The following TANK variants were observed in gnomAD, a reference collection of about 807,000 sequenced individuals.
The protein encoded by TANK is TRAF family member associated NFKB activator, also known as TRAF family member-associated NF-kappa-B activator.
TANK carries 15 observed loss-of-function variants against 43.6 expected under a neutral mutation model. The observed-to-expected ratio is 0.34, with a 90% confidence interval of 0.23 to 0.53. The LOEUF (loss-of-function observed/expected upper bound fraction) is 0.53, where lower values mean the gene tolerates loss of function less well. TANK is among the 20% of genes least tolerant of loss of function. The probability of loss-of-function intolerance (pLI) is 0.94; values close to 1 mark genes in which losing one functional copy is unlikely to be tolerated. For synonymous variants in TANK, 162 were observed against 178.2 expected, an observed-to-expected ratio of 0.91 and a Z score of 0.73; for missense variants, 417 against 498.6, an observed-to-expected ratio of 0.84 and a Z score of 1.56.
intron 2 of TANK, among the ~76,000 whole-genome samples, chr2:161,181,424 AAAC>A (rs1010318898): frequency 2.0e-4 from 31 of 152,082 alleles, no homozygotes; most frequent in Admixed American, 4.6e-4. Flanking sequence ...CCATCTCAAA[AAAC>A]AACAACAACA....
chr2:161,146,054 T>A (rs1403566561), intron 1 of TANK, among the ~76,000 whole-genome samples: 1 of 152,202 alleles, frequency 6.6e-6, no homozygotes, highest in Non-Finnish European at 1.5e-5. Flanking sequence ...CTTGTCTTCA[T>A]GCCTGATTTC....
chr2:161,164,455 A>G (rs1375497658), intron 1 of TANK, among the ~76,000 whole-genome samples: 4 of 152,146 alleles, frequency 2.6e-5, no homozygotes, highest in Non-Finnish European at 5.9e-5. Flanking sequence ...AGAGGAGGCT[A>G]TTATTTAGAT....
At chr2:161,203,867 A>G (rs948710533) in intron 3 of TANK, among the ~76,000 whole-genome samples, 2 of 152,284 alleles carry the variant, frequency 1.3e-5, no homozygotes, top group African/African-American at 2.4e-5. Flanking sequence ...GCTTTTGAAA[A>G]CATCTATGCC....
At chr2:161,193,913 G>A (rs918682134) in intron 2 of TANK, among the ~76,000 whole-genome samples, 17 of 152,172 alleles carry the variant, frequency 1.1e-4, no homozygotes, top group African/African-American at 4.1e-4. Context: ...TGGATATGGG[G>A]AATAATTAGC....
chr2:161,160,444 G>A lies in TANK; in HGVS notation c.-92G>A. 3 of 1,238,844 alleles carry A rather than the reference G, an allele frequency of 2.4e-6. No homozygotes were observed. Among genetic ancestry groups the A allele is most frequent in the Non-Finnish European group, 3.0e-6 (3 of 991,210 alleles). 76.7% of individuals were successfully genotyped at this position (1,238,844 alleles called of 1,614,324 possible). On this transcript the variant is annotated 5_prime_UTR_variant, in exon 1 of 8. Coordinates refer to ENST00000392749, the MANE Select transcript of TANK (RefSeq NM_001199135.3). The stretch of plus-strand genomic sequence containing the variant: ...GTTGGAGTCACTCGGCCAGGCGCCG[G>A]CGACCTGAGGGGAGAGGGAACGCAG...
intron 2 of TANK, among the ~76,000 whole-genome samples, chr2:161,190,147 A>C (rs1163027582): frequency 1.3e-5 from 2 of 152,208 alleles, no homozygotes; most frequent in African/African-American, 2.4e-5. Context: ...ACCTGGATTT[A>C]AAATGGGCAA....
At chr2:161,146,991 G>C (rs567555784) in intron 1 of TANK, among the ~76,000 whole-genome samples, 1 of 152,142 alleles carries the variant, frequency 6.6e-6, no homozygotes, top group Non-Finnish European at 1.5e-5. Context: ...GCCCCAGGGG[G>C]ATCAGAGTTC....
chr2:161,139,830 G>A, intron 1 of TANK: 1 of 985,394 alleles, frequency 1.0e-6, no homozygotes, highest in Non-Finnish European at 1.2e-6. Context: ...CCTACGCTTT[G>A]TGCAAAAAGC....
At chr2:161,140,282 C>T (rs1025532762) in intron 1 of TANK, among the ~76,000 whole-genome samples, 26 of 152,038 alleles carry the variant, frequency 1.7e-4, no homozygotes, top group African/African-American at 5.6e-4. Context: ...ACAATGTCTT[C>T]CATTGTTATT....
upstream of TANK, among the ~76,000 whole-genome samples, chr2:161,156,991 CTTTGGGTTAT>C (rs1684245425): frequency 6.6e-6 from 1 of 152,156 alleles, no homozygotes; most frequent in Non-Finnish European, 1.5e-5. Flanking sequence ...TATCCACTCC[CTTTGGGTTAT>C]TGCTGGTATT....
intron 7 of TANK, 136 bp downstream of exon 7, chr2:161,231,687 A>G: frequency 1.3e-6 from 1 of 767,130 alleles, no homozygotes; most frequent in Non-Finnish European, 2.1e-6. Context: ...GCTTTCAAAA[A>G]AACAAGTCCC....
Position 161,182,762 on chromosome 2 carries a change from G to A in TANK, c.99+3001G>A, listed in dbSNP as rs563214851. On this transcript the variant is annotated intron_variant, in intron 2 of 7. Transcript: ENST00000392749. ...GTTCAAAATGTGATTGCACAAAAAG[G>A]GTGTGATCTAAACCCAGCAGTTCCT... Among the ~76,000 whole-genome samples, 12 of 152,176 alleles carry A rather than the reference G, an allele frequency of 7.9e-5. No individual in the cohort carries two copies. In the East Asian group the frequency reaches 2.3e-3, roughly 29 times the overall value.
chr2:161,203,306 G>A (rs1267075), intron 2 of TANK, among the ~76,000 whole-genome samples, 181 bp from the exon 3 acceptor site: 124,750 of 152,128 alleles, frequency 0.82, 51,313 homozygotes, highest in East Asian at 1. Context: ...TAAGTGTCTT[G>A]AATCACTGAT....
At chr2:161,173,703 A>G (rs969227086) in intron 1 of TANK, among the ~76,000 whole-genome samples, 3 of 152,010 alleles carry the variant, frequency 2.0e-5, no homozygotes. Context: ...GCCTCACTCA[A>G]TTATAAGCTC....
intron 1 of TANK, among the ~76,000 whole-genome samples, chr2:161,171,001 T>G (rs549572758): frequency 6.6e-6 from 1 of 152,350 alleles, no homozygotes; most frequent in African/African-American, 2.4e-5. Flanking sequence ...AGTGTCTTTT[T>G]ATTTTTTTCC....
At chr2:161,147,699 G>A (rs533419523) in intron 1 of TANK, among the ~76,000 whole-genome samples, 40 of 152,178 alleles carry the variant, frequency 2.6e-4, no homozygotes, top group South Asian at 6.2e-4. Flanking sequence ...AAGGATTTGC[G>A]TGCTGTTATA....
intron 4 of TANK, among the ~76,000 whole-genome samples, chr2:161,210,308 A>G (rs1433319291): frequency 6.6e-6 from 1 of 152,230 alleles, no homozygotes; most frequent in Non-Finnish European, 1.5e-5. Flanking sequence ...TCACTTACAC[A>G]AGAAGTAGTT....
chr2:161,205,933 G>A (rs1028066932), intron 4 of TANK, among the ~76,000 whole-genome samples: 11 of 152,046 alleles, frequency 7.2e-5, no homozygotes, highest in Non-Finnish European at 1.5e-4. Context: ...GCTGCCATGC[G>A]TGGCTAATTA....
chr2:161,183,258 T>C (rs918539722), intron 2 of TANK, among the ~76,000 whole-genome samples: 14 of 152,208 alleles, frequency 9.2e-5, no homozygotes, highest in African/African-American at 1.9e-4. Context: ...TGAATACTTA[T>C]GGACTGTAAG....
Sources: gnomAD v4.1 joint callset for allele counts (sites outside exome capture counted in the v4.1 genomes callset) on GRCh38, gnomAD v4.1.1 for gene constraint, MANE v1.5 for transcripts, NCBI Gene and HGNC (gene_info 2026-07-23, HGNC 2026-07-21) for gene names.